The following DPY19L1 variants were observed in gnomAD, a reference collection of about 807,000 sequenced individuals.
The protein encoded by DPY19L1 is dpy-19 like C-mannosyltransferase 1.
Under a neutral mutation model 96.9 loss-of-function variants are expected in DPY19L1, and 35 were observed. That is an observed-to-expected ratio of 0.36 (90% confidence interval 0.28 to 0.48). DPY19L1 has a LOEUF of 0.48. DPY19L1 is among the 20% of genes least tolerant of loss of function. The pLI, the probability that DPY19L1 is intolerant of heterozygous loss-of-function variation, is 0.99. For missense variants in DPY19L1, 521 were observed against 777.9 expected (o/e 0.67, Z 3.93); for synonymous variants, 205 against 252.6 (o/e 0.81, Z 1.79).
chr7:35,018,383 T>G (rs1785910331), intron 2 of DPY19L1, among the ~76,000 whole-genome samples, 189 bp downstream of exon 2: 1 of 152,172 alleles, frequency 6.6e-6, no homozygotes. Flanking sequence ...ATGAATCTCT[T>G]TTTTATTAAA....
chr7:34,992,581 C>T (rs1170956032), intron 6 of DPY19L1, among the ~76,000 whole-genome samples: 2 of 144,752 alleles, frequency 1.4e-5, no homozygotes, highest in Non-Finnish European at 3.0e-5. Context: ...GGGTCTCACT[C>T]TGTCACCCAA....
chr7:35,010,349 A>G (rs1562825607), intron 6 of DPY19L1, 119 bp downstream of exon 6: 4 of 627,490 alleles, frequency 6.4e-6, no homozygotes, highest in Non-Finnish European at 1.1e-5. Flanking sequence ...TTTTATGATA[A>G]TAAGATATTT....
At chr7:35,032,522 C>T (rs1786284599) in intron 1 of DPY19L1, among the ~76,000 whole-genome samples, 1 of 152,132 alleles carries the variant, frequency 6.6e-6, no homozygotes, top group African/African-American at 2.4e-5. Flanking sequence ...AATAGAAGTT[C>T]AATGGGAATA....
At chr7:35,009,898 A>G (rs557594351) in intron 6 of DPY19L1, among the ~76,000 whole-genome samples, 9 of 152,310 alleles carry the variant, frequency 5.9e-5, no homozygotes, top group Admixed American at 3.9e-4. Context: ...ATAACAATAT[A>G]TGGAATATAT....
At chr7:34,998,503 C>T (rs1785347332) in intron 6 of DPY19L1, among the ~76,000 whole-genome samples, 1 of 152,206 alleles carries the variant, frequency 6.6e-6, no homozygotes, top group Non-Finnish European at 1.5e-5. Context: ...GCATAAGTGT[C>T]TGCATATGAC....
intron 14 of DPY19L1, 85 bp from the exon 15 acceptor site, chr7:34,947,786 TG>T (rs1459132776): frequency 9.0e-7 from 1 of 1,105,298 alleles, no homozygotes; most frequent in Non-Finnish European, 1.3e-6. Flanking sequence ...GGTAAATTTC[TG>T]AAAGTAGAGA....
chr7:34,938,188 A>T, intron 20 of DPY19L1, 69 bp from the exon 21 acceptor site: 4 of 1,504,522 alleles, frequency 2.7e-6, no homozygotes, highest in Non-Finnish European at 3.6e-6. Context: ...TTTGGAAGAA[A>T]GCACTGAATT....
At chr7:35,026,227 C>G (rs1354957314) in intron 1 of DPY19L1, among the ~76,000 whole-genome samples, 2 of 152,142 alleles carry the variant, frequency 1.3e-5, no homozygotes, top group Non-Finnish European at 2.9e-5. Flanking sequence ...GTCCTGGAAA[C>G]CAGTAGTAAT....
At chr7:34,960,102 C>T (rs927504549) in intron 10 of DPY19L1, among the ~76,000 whole-genome samples, 3 of 150,572 alleles carry the variant, frequency 2.0e-5, no homozygotes, top group African/African-American at 7.3e-5. Flanking sequence ...ATTTATCTGT[C>T]ATTTAAAAGG....
intron 7 of DPY19L1, among the ~76,000 whole-genome samples, chr7:34,978,525 A>G (rs1441998537): frequency 3.9e-5 from 6 of 152,070 alleles, no homozygotes; most frequent in African/African-American, 1.4e-4. Flanking sequence ...GGTTTAAGAG[A>G]CATGGCTTGA....
chr7:34,946,484 AAT>A, intron 15 of DPY19L1, among the ~76,000 whole-genome samples: 1 of 152,190 alleles, frequency 6.6e-6, no homozygotes. Context: ...CAGCCTAGCT[AAT>A]AGTTTTCATC....
intron 6 of DPY19L1, among the ~76,000 whole-genome samples, chr7:34,997,735 A>AAG (rs1250878150): frequency 6.6e-6 from 1 of 152,152 alleles, no homozygotes; most frequent in Non-Finnish European, 1.5e-5. Context: ...GATTTTTTTA[A>AAG]AATAAAGAAT....
At chr7:35,035,461 TTA>T (rs1786369435) in intron 1 of DPY19L1, among the ~76,000 whole-genome samples, 1 of 152,204 alleles carries the variant, frequency 6.6e-6, no homozygotes, top group Non-Finnish European at 1.5e-5. Flanking sequence ...ATAAATATCA[TTA>T]TTCTAAGATT....
intron 11 of DPY19L1, among the ~76,000 whole-genome samples, chr7:34,957,125 G>C (rs1228353282): frequency 5.3e-5 from 8 of 152,016 alleles, no homozygotes. Context: ...GCTCACGCCT[G>C]TAATCCCAGC....
chr7:34,997,366 G>A (rs1785310671), intron 6 of DPY19L1, among the ~76,000 whole-genome samples: 2 of 149,276 alleles, frequency 1.3e-5, no homozygotes, highest in Admixed American at 1.3e-4. Context: ...GCCGAGGCGG[G>A]CGGATCACAA....
intron 1 of DPY19L1, among the ~76,000 whole-genome samples, chr7:35,029,923 A>T (rs1786220612): frequency 6.6e-6 from 1 of 152,166 alleles, no homozygotes; most frequent in African/African-American, 2.4e-5. Context: ...CCCAAACTTC[A>T]CCTGCTGAAC....
At chr7:34,977,578 A>C (rs1784855811) in intron 7 of DPY19L1, among the ~76,000 whole-genome samples, 1 of 152,234 alleles carries the variant, frequency 6.6e-6, no homozygotes, top group African/African-American at 2.4e-5. Context: ...TTCTCCAATA[A>C]CACAACGTGT....
chr7:35,037,863 G>T, upstream of DPY19L1: 1 of 1,236,188 alleles, frequency 8.1e-7, no homozygotes. Flanking sequence ...GGACGCGGGG[G>T]CGGACGGCCT....
intron 7 of DPY19L1, among the ~76,000 whole-genome samples, chr7:34,980,110 T>C (rs563637718): frequency 6.6e-6 from 1 of 152,124 alleles, no homozygotes; most frequent in South Asian, 2.1e-4. Flanking sequence ...AACTATATAG[T>C]CACTTTATTT....
Sources: allele counts gnomAD v4.1 joint callset (sites outside exome capture counted in the v4.1 genomes callset), GRCh38; gene constraint gnomAD v4.1.1; transcripts MANE v1.5; gene names NCBI Gene and HGNC (gene_info 2026-07-23, HGNC 2026-07-21).